The following WNT2B variants were observed in gnomAD, a reference collection of about 807,000 sequenced individuals.
WNT2B encodes the protein protein Wnt-2b.
In WNT2B, 19 loss-of-function variants were observed where a neutral mutation model predicts 40.5. The observed-to-expected ratio is 0.47, with a 90% CI of 0.33 to 0.69. The LOEUF (loss-of-function observed/expected upper bound fraction) is 0.69. Ranked by LOEUF, WNT2B falls within the 30% of genes least tolerant of loss-of-function variation. The pLI is 0.02. For synonymous variants in WNT2B, 220 were observed against 211.9 expected, an observed-to-expected ratio of 1.04 and a Z score of -0.33; for missense variants, 467 against 556.4, an observed-to-expected ratio of 0.84 and a Z score of 1.62.
At chr1:112,483,743 A>T (rs911129119) in intron 1 of WNT2B, among the ~76,000 whole-genome samples, 4 of 151,206 alleles carry the variant, frequency 2.6e-5, no homozygotes, top group Non-Finnish European at 5.9e-5. Flanking sequence ...AGAGGTTAAC[A>T]TTTAAAATAT....
chr1:112,469,232 C>A (rs1650798151), intron 1 of WNT2B, among the ~76,000 whole-genome samples: 1 of 152,180 alleles, frequency 6.6e-6, no homozygotes, highest in African/African-American at 2.4e-5. Flanking sequence ...TGAAGTGAGT[C>A]AAGAAGTGAC....
Position 112,526,007 on chromosome 1 carries a change from C to T in WNT2B, c.*5498C>T, listed in dbSNP as rs541812577. The T allele has an allele frequency of 6.6e-5, 106 of 1,613,900 alleles. No homozygotes were observed. Among genetic ancestry groups the T allele is most frequent in the Non-Finnish European group, 7.5e-5 (89 of 1,179,936 alleles). The stretch of plus-strand genomic sequence containing the variant: ...TTTGTCCAAGGTCACATGAACAGTG[C>T]GTGGCTCAGCCAGAACTCAAACCTA... On this transcript the variant is annotated 3_prime_UTR_variant, in exon 5 of 5. Transcript: ENST00000369684.
intron 1 of WNT2B, among the ~76,000 whole-genome samples, chr1:112,484,387 A>C (rs1301291359): frequency 6.7e-6 from 1 of 149,844 alleles, no homozygotes; most frequent in African/African-American, 2.5e-5. Context: ...TGCAACCTCT[A>C]CTTCCCAGGC....
chr1:112,470,078 T>G (rs549359695), intron 1 of WNT2B, among the ~76,000 whole-genome samples: 1 of 152,208 alleles, frequency 6.6e-6, no homozygotes, highest in Non-Finnish European at 1.5e-5. Context: ...CCAGTGAGTT[T>G]TGTACCTTCG....
At chr1:112,507,657 C>T (rs747682116), upstream of WNT2B, among the ~76,000 whole-genome samples, 11 of 152,336 alleles carry the variant, frequency 7.2e-5, no homozygotes, top group Admixed American at 5.2e-4. Context: ...GCACCTCTAA[C>T]GCCACCACCG....
At chr1:112,496,647 C>T (rs570086859) in intron 1 of WNT2B, among the ~76,000 whole-genome samples, 1 of 151,210 alleles carries the variant, frequency 6.6e-6, no homozygotes, top group South Asian at 2.1e-4. Context: ...GTTGCCCAGG[C>T]TGGAGCGCAA....
intron 1 of WNT2B, among the ~76,000 whole-genome samples, chr1:112,487,648 C>G (rs1651456866): frequency 2.0e-5 from 3 of 152,050 alleles, no homozygotes; most frequent in Admixed American, 2.0e-4. Context: ...AAAATCTAAG[C>G]TGGGCTGGGT....
intron 1 of WNT2B, among the ~76,000 whole-genome samples, chr1:112,477,114 G>A (rs149940275): frequency 1.3e-5 from 2 of 152,340 alleles, no homozygotes; most frequent in East Asian, 3.9e-4. Flanking sequence ...AGCCTTTGCT[G>A]TTGCATTTGG....
intron 1 of WNT2B, among the ~76,000 whole-genome samples, chr1:112,501,786 AC>A (rs1651962607): frequency 6.6e-6 from 1 of 152,196 alleles, no homozygotes; most frequent in South Asian, 2.1e-4. Context: ...CCTCTGGCTG[AC>A]CCGAATCCCC....
chr1:112,518,315 C>G (rs1336083858), intron 4 of WNT2B: 2 of 152,146 alleles, frequency 1.3e-5, no homozygotes, highest in African/African-American at 2.4e-5. Flanking sequence ...GTGGGGCTCC[C>G]AGGCTCTTTT....
intron 1 of WNT2B, among the ~76,000 whole-genome samples, chr1:112,514,179 A>T (rs777265921): frequency 1.3e-5 from 2 of 152,188 alleles, no homozygotes; most frequent in Non-Finnish European, 2.9e-5. Context: ...CAGCCCTTGC[A>T]GGTCCATCCA....
At chr1:112,484,426 G>A (rs12729170) in intron 1 of WNT2B, among the ~76,000 whole-genome samples, 56,058 of 149,956 alleles carry the variant, frequency 0.37, 11,947 homozygotes, top group South Asian at 0.55. Context: ...TCAGCCTCCT[G>A]AGTGGCTAAT....
chr1:112,507,825 A>G (rs1489371799), upstream of WNT2B, among the ~76,000 whole-genome samples: 1 of 152,268 alleles, frequency 6.6e-6, no homozygotes, highest in Non-Finnish European at 1.5e-5. Context: ...GACTGGAGCC[A>G]GATCCCAGGT....
At chr1:112,484,755 A>AC (rs1189489304) in intron 1 of WNT2B, among the ~76,000 whole-genome samples, 12 of 151,878 alleles carry the variant, frequency 7.9e-5, no homozygotes, top group Admixed American at 1.3e-4. Context: ...AAAAAAAAAA[A>AC]GGTTTATTTC....
chr1:112,509,076 ACAT>A lies in WNT2B; in HGVS notation c.-185_-183del. Reference sequence around the variant, plus strand: ...TCGGCACGCCGTCGTCGGCTTCCGGACATCGCAACTTGCGCCCCTCTCGGGGAT... The same window carrying A: ...TCGGCACGCCGTCGTCGGCTTCCGGACGCAACTTGCGCCCCTCTCGGGGAT... On this transcript the variant is annotated 5_prime_UTR_variant, in exon 1 of 5. Coordinates refer to ENST00000369684, the MANE Select transcript of WNT2B (RefSeq NM_024494.3). This position sits in a 1 kb window ranked among gnomAD's most constrained non-coding sequence, Gnocchi z 4.2. 7.4e-7 allele frequency: 1 copy of A among 1,349,050 alleles called. No homozygotes were observed. The highest frequency in any genetic ancestry group is 1.9e-5 in the South Asian group (1 of 51,510). The allele number at this position is 1,349,050 out of a possible 1,614,324, so 83.6% of individuals were successfully genotyped here.
chr1:112,528,282 T>C lies in WNT2B; in HGVS notation c.*7773T>C, dbSNP rs1379316395. ...AATGTACAAGCAATATATAAGGAAT[T>C]TCAAGCAAGTACACATTATATACAC... is the stretch of plus-strand genomic sequence containing the variant. On this transcript the variant is annotated 3_prime_UTR_variant, in exon 5 of 5. Coordinates refer to ENST00000369684, the MANE Select transcript of WNT2B (RefSeq NM_024494.3). 1 of 152,138 alleles carries C rather than the reference T, an allele frequency of 6.6e-6. No individual in the cohort carries two copies. Among genetic ancestry groups the C allele is most frequent in the African/African-American group, 2.4e-5 (1 of 41,426 alleles). 9.4% of individuals were successfully genotyped at this position (152,138 alleles called of 1,614,324 possible).
intron 1 of WNT2B, among the ~76,000 whole-genome samples, chr1:112,511,708 T>C (rs917941102): frequency 6.6e-6 from 1 of 152,200 alleles, no homozygotes; most frequent in Non-Finnish European, 1.5e-5. Context: ...CTGTTTCATT[T>C]TGCATTCTGT....
upstream of WNT2B, among the ~76,000 whole-genome samples, chr1:112,504,529 T>C (rs1020052957): frequency 2.0e-5 from 3 of 152,038 alleles, no homozygotes; most frequent in African/African-American, 7.3e-5. Context: ...GGCCAGGCTG[T>C]GTACAAAGCG....
At chr1:112,487,082 A>AT (rs1651440679) in intron 1 of WNT2B, among the ~76,000 whole-genome samples, 1 of 152,232 alleles carries the variant, frequency 6.6e-6, no homozygotes, top group Non-Finnish European at 1.5e-5. Flanking sequence ...AGCCATCAAC[A>AT]AGTGAATAGA....
Sources: gnomAD v4.1 joint callset for allele counts (sites outside exome capture counted in the v4.1 genomes callset) on GRCh38, gnomAD v4.1.1 for gene constraint, Gnocchi (gnomAD v3.1) non-coding constraint, MANE v1.5 for transcripts, NCBI Gene and HGNC (gene_info 2026-07-23, HGNC 2026-07-21) for gene names.